KIAA0232: variants seen among roughly 807,000 people sequenced by gnomAD.
KIAA0232 encodes the protein KIAA0232.
Under a neutral mutation model 122.0 loss-of-function variants are expected in KIAA0232, and 27 were observed. That is an observed-to-expected ratio of 0.22 (90% CI 0.16 to 0.31). The LOEUF (loss-of-function observed/expected upper bound fraction) is 0.31, where lower values mean the gene tolerates loss of function less well. KIAA0232 is among the 10% of genes least tolerant of loss of function. The pLI is 1.00. For missense variants in KIAA0232, 1,551 were observed against 1,634.2 expected, an observed-to-expected ratio of 0.95 and a Z score of 0.88; for synonymous variants, 613 against 587.6, an observed-to-expected ratio of 1.04 and a Z score of -0.63.
chr4:6,838,400 G>C (rs1719462919), intron 3 of KIAA0232, among the ~76,000 whole-genome samples: 1 of 152,070 alleles, frequency 6.6e-6, no homozygotes. Flanking sequence ...TGTTGGCCAG[G>C]CTGTTCTCAA....
chr4:6,845,837 T>G (rs1265383971), intron 4 of KIAA0232, among the ~76,000 whole-genome samples: 1 of 152,182 alleles, frequency 6.6e-6, no homozygotes, highest in African/African-American at 2.4e-5. Flanking sequence ...AAACCTTCTA[T>G]GAGTAATGCA....
At chr4:6,810,525 A>T (rs1203462545) in intron 2 of KIAA0232, among the ~76,000 whole-genome samples, 1 of 152,222 alleles carries the variant, frequency 6.6e-6, no homozygotes, top group Admixed American at 6.5e-5. Flanking sequence ...ATAGGCAAAG[A>T]ATCAGTGACT....
At chr4:6,817,727 T>G (rs1331994599) in intron 2 of KIAA0232, among the ~76,000 whole-genome samples, 1 of 152,170 alleles carries the variant, frequency 6.6e-6, no homozygotes, top group African/African-American at 2.4e-5. Flanking sequence ...TCCTTACTGG[T>G]TTTTTTGTGT....
At chr4:6,824,000 C>T (rs938452688) in intron 2 of KIAA0232, among the ~76,000 whole-genome samples, 185 bp from the exon 3 acceptor site, 1 of 152,080 alleles carries the variant, frequency 6.6e-6, no homozygotes, top group African/African-American at 2.4e-5. Flanking sequence ...AGGAAGGTAC[C>T]ACAGTGCCTG....
Position 6,855,741 on chromosome 4 carries a change from T to C in KIAA0232, c.370-1423T>C. On this transcript the variant is annotated intron_variant, in intron 4 of 9. Transcript: ENST00000307659. The surrounding 1 kb of genome is among the most constrained non-coding windows in gnomAD (Gnocchi z 4.3). Reference sequence around the variant, plus strand: ...TAATAAGTGATCCCTAGAGGTTCAGTGTTCTGCATTGCGAGACTAGCCCTA... The same window carrying C: ...TAATAAGTGATCCCTAGAGGTTCAGCGTTCTGCATTGCGAGACTAGCCCTA... The C allele has an allele frequency of 7.1e-6, 3 of 420,726 alleles. No homozygotes were observed. The highest frequency in any genetic ancestry group is 9.6e-6 in the Non-Finnish European group (3 of 313,752). The allele number at this position is 420,726 out of a possible 1,614,324, so 26.1% of individuals were successfully genotyped here. A position where few individuals can be genotyped will look rare whatever the true frequency, so the allele number is the denominator to read the frequency against.
rs373793407 is a variant in KIAA0232 at position 6,843,927 on chromosome 4, C to CTTTTTTTTT, written c.369+1747_369+1755dup. ...GGCGCAAGGACCGTGAGTTACCCATCTTTTTTTTTTTTTTTTTTTTTTTTT... is the reference window on the plus strand; with the variant it reads ...GGCGCAAGGACCGTGAGTTACCCATCTTTTTTTTTTTTTTTTTTTTTTTTTTTTTTTTTT... On this transcript the variant is annotated intron_variant, in intron 4 of 9. Transcript: ENST00000307659. 1.0e-3 allele frequency among the ~76,000 whole-genome samples: 48 copies of CTTTTTTTTT among 46,360 alleles called. 10 individuals carry two copies. Among genetic ancestry groups the CTTTTTTTTT allele is most frequent in the African/African-American group, 2.9e-3 (42 of 14,678 alleles). 30.4% of individuals were successfully genotyped at this position (46,360 alleles called of 152,430 possible). A position where few individuals can be genotyped will look rare whatever the true frequency, so the allele number is the denominator to read the frequency against.
intron 8 of KIAA0232, 37 bp from the exon 9 acceptor site, chr4:6,876,623 T>C (rs1469138751): frequency 7.5e-7 from 1 of 1,328,034 alleles, no homozygotes; most frequent in East Asian, 2.3e-5. Context: ...AATTTCCCCC[T>C]TTCCCTCTTT....
At chr4:6,784,567 A>G (rs1346977815) in intron 1 of KIAA0232, among the ~76,000 whole-genome samples, 1 of 152,126 alleles carries the variant, frequency 6.6e-6, no homozygotes, top group Admixed American at 6.5e-5. Context: ...GACAGAACCT[A>G]TTTCCGAGAG....
intron 1 of KIAA0232, among the ~76,000 whole-genome samples, chr4:6,785,269 A>C (rs1716567478): frequency 6.6e-6 from 1 of 152,220 alleles, no homozygotes; most frequent in Admixed American, 6.5e-5. Flanking sequence ...TCCAGTGGTA[A>C]TATAGGGTAA....
At chr4:6,807,036 A>G (rs28576077) in intron 2 of KIAA0232, among the ~76,000 whole-genome samples, 5,069 of 35,024 alleles carry the variant, frequency 0.14, 80 homozygotes, top group Middle Eastern at 0.32. Context: ...CTGTCTGTCT[A>G]TCTATCTATC....
chr4:6,828,164 C>G (rs1405270756), intron 3 of KIAA0232, among the ~76,000 whole-genome samples: 2 of 151,996 alleles, frequency 1.3e-5, no homozygotes, highest in East Asian at 3.9e-4. Flanking sequence ...ATATATTAAT[C>G]TTTTTTAAAA....
At chr4:6,791,396 G>T (rs545201218) in intron 1 of KIAA0232, among the ~76,000 whole-genome samples, 2 of 135,108 alleles carry the variant, frequency 1.5e-5, no homozygotes, top group East Asian at 2.2e-4. Context: ...CACAATTATG[G>T]CTCACTGTAG....
intron 2 of KIAA0232, among the ~76,000 whole-genome samples, chr4:6,809,694 C>CA (rs1231012080): frequency 2.6e-5 from 4 of 151,872 alleles, no homozygotes; most frequent in Non-Finnish European, 5.9e-5. Flanking sequence ...AAGACTCCAC[C>CA]AAAAAACCTC....
At chr4:6,860,819 ATTC>A in intron 6 of KIAA0232, 79 bp from the exon 7 acceptor site, 4 of 1,178,438 alleles carry the variant, frequency 3.4e-6, no homozygotes, top group Non-Finnish European at 4.9e-6. Context: ...GAAATATTCC[ATTC>A]TTCTGGTTGG....
At chr4:6,877,342 C>T (rs1041382194) in intron 9 of KIAA0232, among the ~76,000 whole-genome samples, 1 of 152,246 alleles carries the variant, frequency 6.6e-6, no homozygotes, top group African/African-American at 2.4e-5. Flanking sequence ...GCGGGGCCTC[C>T]GCCTGGTTTA....
chr4:6,837,992 T>C (rs1294356572), intron 3 of KIAA0232, among the ~76,000 whole-genome samples: 2 of 152,026 alleles, frequency 1.3e-5, no homozygotes, highest in Non-Finnish European at 2.9e-5. Flanking sequence ...TTTAAGTTCT[T>C]TGTAGATTCT....
intron 2 of KIAA0232, among the ~76,000 whole-genome samples, chr4:6,822,137 A>T (rs1285504028): frequency 1.3e-5 from 2 of 152,146 alleles, no homozygotes; most frequent in African/African-American, 4.8e-5. Context: ...TATCTCTGGC[A>T]TCCTGAGATC....
chr4:6,808,554 C>T (rs1230078711), intron 2 of KIAA0232, among the ~76,000 whole-genome samples: 1 of 150,758 alleles, frequency 6.6e-6, no homozygotes, highest in Non-Finnish European at 1.5e-5. Flanking sequence ...CCTGCTAATA[C>T]AGGATGGTAA....
intron 2 of KIAA0232, among the ~76,000 whole-genome samples, chr4:6,821,791 A>G (rs925598548): frequency 1.4e-4 from 22 of 152,146 alleles, no homozygotes; most frequent in African/African-American, 4.6e-4. Context: ...ATATTTTTGC[A>G]ATAGCAAATT....
Sources: allele counts gnomAD v4.1 joint callset (sites outside exome capture counted in the v4.1 genomes callset), GRCh38; gene constraint gnomAD v4.1.1; non-coding constraint Gnocchi (gnomAD v3.1); transcripts MANE v1.5; gene names NCBI Gene and HGNC (gene_info 2026-07-23, HGNC 2026-07-21).